Variants in PTPRK observed in about 807,000 individuals in gnomAD.
PTPRK encodes receptor-type tyrosine-protein phosphatase kappa.
In PTPRK, 75 loss-of-function variants were observed where a neutral mutation model predicts 178.0. The ratio of observed to expected loss-of-function variants is 0.42; its 90% CI spans 0.35 to 0.51. PTPRK has a LOEUF of 0.51. Ranked by LOEUF, PTPRK falls within the 20% of genes least tolerant of loss-of-function variation. The probability of loss-of-function intolerance (pLI) is 0.02; values close to 1 mark genes in which losing one functional copy is unlikely to be tolerated. For synonymous variants in PTPRK, 637 were observed against 620.6 expected, an observed-to-expected ratio of 1.03 and a Z score of -0.39; for missense variants, 1,441 against 1,797.8, an observed-to-expected ratio of 0.80 and a Z score of 3.59.
In PTPRK at chr6:128,197,579, A is replaced by G. The variant is rs138070406; in HGVS notation, c.869-12854T>C. Among the ~76,000 whole-genome samples, 285 of 152,176 alleles carry G rather than the reference A, an allele frequency of 1.9e-3. 1 individual carries two copies. Among genetic ancestry groups the G allele is most frequent in the Non-Finnish European group, 2.5e-3 (167 of 68,000 alleles). ...AGAGATATAAATGTACTCATTGTAT[A>G]TTTTCTTCTTTATAAAACCAATGTC... On this transcript the variant is annotated intron_variant, in intron 6 of 29. Coordinates refer to ENST00000368226, the MANE Select transcript of PTPRK (RefSeq NM_002844.4).
intron 3 of PTPRK, among the ~76,000 whole-genome samples, chr6:128,290,610 G>A (rs538243544): frequency 6.6e-6 from 1 of 151,844 alleles, no homozygotes; most frequent in Non-Finnish European, 1.5e-5. Flanking sequence ...GGGAACAGGG[G>A]CCAGTTCTCT....
chr6:128,321,989 G>A, intron 3 of PTPRK, 50 bp downstream of exon 3: 1 of 1,609,486 alleles, frequency 6.2e-7, no homozygotes, highest in Non-Finnish European at 8.5e-7. Context: ...TACACATATA[G>A]TGAGAACTGA....
chr6:127,977,295 A>G (rs1774717437), intron 25 of PTPRK, among the ~76,000 whole-genome samples: 2 of 152,246 alleles, frequency 1.3e-5, no homozygotes, highest in African/African-American at 4.8e-5. Flanking sequence ...AATTCAAGTC[A>G]ATAACTGAGT....
At chr6:128,215,609 G>A (rs938481623) in intron 6 of PTPRK, among the ~76,000 whole-genome samples, 6 of 152,036 alleles carry the variant, frequency 3.9e-5, no homozygotes, top group African/African-American at 1.4e-4. Context: ...TCTTCTGGCT[G>A]TGGGAAAACA....
intron 13 of PTPRK, 45 bp from the exon 14 acceptor site, chr6:128,009,313 A>G (rs1303383287): frequency 6.4e-6 from 10 of 1,569,548 alleles, no homozygotes; most frequent in Admixed American, 1.8e-5. Context: ...GAAGCTAATA[A>G]TCACAGAAAA....
At chr6:128,056,715 C>T (rs1582767621) in intron 13 of PTPRK, among the ~76,000 whole-genome samples, 2 of 152,080 alleles carry the variant, frequency 1.3e-5, no homozygotes, top group Admixed American at 6.5e-5. Flanking sequence ...TGAGCCACGG[C>T]GCCTGGCTAG....
rs59656384 is a variant in PTPRK at position 128,493,591 on chromosome 6, TACACACACACACACACACACAC to T, written c.100+26646_100+26667del. Among the ~76,000 whole-genome samples the T allele has an allele frequency of 2.8e-3, 350 of 124,020 alleles. 1 individual carries two copies. The highest frequency in any genetic ancestry group is 4.6e-3 in the South Asian group (16 of 3,484). The allele number at this position is 124,020 out of a possible 152,430, so 81.4% of individuals were successfully genotyped here. A position where few individuals can be genotyped will look rare whatever the true frequency, so the allele number is the denominator to read the frequency against. ...AAAAAAAAAAGTACCTCCCGCCCCC[TACACACACACACACACACACAC>T]ACACACACACACACACACACACACA... On this transcript the variant is annotated intron_variant, in intron 1 of 29. Coordinates refer to ENST00000368226, the MANE Select transcript of PTPRK (RefSeq NM_002844.4).
At chr6:128,499,089 C>T (rs1855159791) in intron 1 of PTPRK, among the ~76,000 whole-genome samples, 1 of 151,950 alleles carries the variant, frequency 6.6e-6, no homozygotes, top group Non-Finnish European at 1.5e-5. Flanking sequence ...TGAGTTCATA[C>T]AGGTATGTCC....
At position 128,145,253 on chromosome 6, in the gene PTPRK, C is replaced by T. The variant is rs545563942; in HGVS notation, c.1162+39179G>A. Reference sequence around the variant, plus strand: ...GGGTAGTTCTTGTGTTCCTATCACACGCACACACACACAGACACACACGTA... The same window carrying T: ...GGGTAGTTCTTGTGTTCCTATCACATGCACACACACACAGACACACACGTA... On this transcript the variant is annotated intron_variant, in intron 7 of 29. Transcript: ENST00000368226. 2.6e-5 allele frequency among the ~76,000 whole-genome samples: 4 copies of T among 151,984 alleles called. No homozygotes were observed. In the South Asian group the frequency reaches 6.2e-4, roughly 24 times the overall value.
At chr6:128,126,136 G>A (rs1387494431) in intron 7 of PTPRK, among the ~76,000 whole-genome samples, 1 of 151,746 alleles carries the variant, frequency 6.6e-6, no homozygotes, top group African/African-American at 2.4e-5. Flanking sequence ...TACCATGGTG[G>A]TTGGCTGCAC....
intron 1 of PTPRK, among the ~76,000 whole-genome samples, chr6:128,426,280 C>A (rs1418819627): frequency 6.6e-6 from 1 of 152,110 alleles, no homozygotes; most frequent in African/African-American, 2.4e-5. Flanking sequence ...AGGCCTAGTT[C>A]AAATATCAGT....
At chr6:128,162,545 A>G (rs1466922489) in intron 7 of PTPRK, among the ~76,000 whole-genome samples, 1 of 151,678 alleles carries the variant, frequency 6.6e-6, no homozygotes, top group African/African-American at 2.4e-5. Context: ...ATTTAGAAAT[A>G]ATTGATTGAA....
intron 1 of PTPRK, among the ~76,000 whole-genome samples, chr6:128,480,168 T>C (rs550961158): frequency 1.1e-4 from 16 of 152,112 alleles, no homozygotes; most frequent in Non-Finnish European, 2.4e-4. Flanking sequence ...CACTTTCTGT[T>C]CTAATGACAG....
intron 3 of PTPRK, among the ~76,000 whole-genome samples, chr6:128,298,946 G>A (rs1037705286): frequency 6.6e-5 from 10 of 152,176 alleles, no homozygotes; most frequent in Admixed American, 1.3e-4. Flanking sequence ...GTTTGCAGAC[G>A]ACATGATTGT....
chr6:128,279,856 C>A (rs1481593489), intron 3 of PTPRK, among the ~76,000 whole-genome samples: 1 of 152,084 alleles, frequency 6.6e-6, no homozygotes, highest in Non-Finnish European at 1.5e-5. Flanking sequence ...CATTCCATCC[C>A]AAGCCATTTC....
intron 11 of PTPRK, among the ~76,000 whole-genome samples, chr6:128,076,437 T>G (rs1214257400): frequency 6.6e-6 from 1 of 152,000 alleles, no homozygotes; most frequent in Non-Finnish European, 1.5e-5. Context: ...CACCTGTAGG[T>G]GAACTGGGTA....
At chr6:128,086,219 TA>T (rs1473622934) in intron 8 of PTPRK, among the ~76,000 whole-genome samples, 3 of 152,112 alleles carry the variant, frequency 2.0e-5, no homozygotes, top group Non-Finnish European at 4.4e-5. Flanking sequence ...AGAGTGGAAA[TA>T]AAATATGGGT....
chr6:128,218,954 C>T lies in PTPRK; in HGVS notation c.836G>A (p.Gly279Asp). The change falls in exon 6 of 30, where the codon GGT becomes GAT. Residue 279 changes from glycine (G) to aspartate (D), a missense_variant. By Grantham distance (94) the Gly-to-Asp change is moderately conservative. Coordinates refer to ENST00000368226, the MANE Select transcript of PTPRK (RefSeq NM_002844.4). The stretch of plus-strand genomic sequence containing the variant: ...AATAAGTTGAGCAAAATTGGACACA[C>T]CGGAACCTCGTTCTGACTGAGTTAC... Reference protein sequence around the residue: ...RCVTQSERGSGVSNFAQLIVR... With the variant: ...RCVTQSERGSDVSNFAQLIVR... 1 of 1,613,902 alleles carries T rather than the reference C, an allele frequency of 6.2e-7. No individual in the cohort carries two copies. The highest frequency in any genetic ancestry group is 8.5e-7 in the Non-Finnish European group (1 of 1,179,898).
At chr6:128,138,216 A>C (rs1171760635) in intron 7 of PTPRK, among the ~76,000 whole-genome samples, 1 of 152,144 alleles carries the variant, frequency 6.6e-6, no homozygotes, top group Non-Finnish European at 1.5e-5. Context: ...CACTATAAAT[A>C]CTGGAGAATG....
Sources: gnomAD v4.1 joint callset for allele counts (sites outside exome capture counted in the v4.1 genomes callset) on GRCh38, gnomAD v4.1.1 for gene constraint, MANE v1.5 for transcripts, NCBI Gene and HGNC (gene_info 2026-07-23, HGNC 2026-07-21) for gene names.